The following FRMD8 variants were observed in gnomAD, a reference collection of about 807,000 sequenced individuals.
FRMD8 encodes the protein FERM domain containing 8, also known as FERM domain-containing protein 8.
A neutral mutation model predicts 54.2 loss-of-function variants in FRMD8; 37 were observed. That is an observed-to-expected ratio of 0.68 (90% confidence interval 0.53 to 0.90). The LOEUF (loss-of-function observed/expected upper bound fraction) is 0.90. Ranked by LOEUF, FRMD8 falls within the 40% of genes least tolerant of loss-of-function variation. The pLI, the probability that FRMD8 is intolerant of heterozygous loss-of-function variation, is 0.00. For missense variants in FRMD8, 585 were observed against 653.7 expected, an observed-to-expected ratio of 0.89 and a Z score of 1.15; for synonymous variants, 246 against 286.9, an observed-to-expected ratio of 0.86 and a Z score of 1.44.
intron 9 of FRMD8, among the ~76,000 whole-genome samples, chr11:65,401,899 A>C (rs1282484715): frequency 2.0e-5 from 3 of 149,974 alleles, no homozygotes; most frequent in Non-Finnish European, 4.4e-5. Flanking sequence ...CTAACCCAAG[A>C]CCACAAAGAT....
chr11:65,393,650 GC>G lies in FRMD8; in HGVS notation c.335del (p.Pro112GlnfsTer82). The G allele has an allele frequency of 6.2e-7, 1 of 1,607,494 alleles. No individual in the cohort carries two copies. On this transcript the variant is annotated frameshift_variant, in exon 4 of 11. Transcript: ENST00000317568. LOFTEE classifies it high-confidence loss of function. ...GGAGCTGCTGCTGCGCTTCACCAGT[GC>G]CCCAGACGATGACGTGGCCATGGGT... The part of the protein sequence containing the change: ...WPELLLRFTS[A>X]PDDDVAMDEP...
Position 65,389,364 on chromosome 11 carries a change from C to T in FRMD8, c.89C>T (p.Ala30Val). 6.2e-7 allele frequency: 1 copy of T among 1,610,076 alleles called. No individual in the cohort carries two copies. Among genetic ancestry groups the T allele is most frequent in the Non-Finnish European group, 8.5e-7 (1 of 1,179,976 alleles). The change falls in exon 3 of 11, where the codon GCT becomes GTT. Residue 30 changes from alanine to valine, a missense_variant. Coordinates refer to ENST00000317568, the MANE Select transcript of FRMD8 (RefSeq NM_031904.5). Reference sequence around the variant, plus strand: ...GCCTGCCTGGTCTCCATCACAGCGGCTGACGTGCTGGTATACCTAGCGGAT... The same window carrying T: ...GCCTGCCTGGTCTCCATCACAGCGGTTGACGTGCTGGTATACCTAGCGGAT... ...SSVSSVGARA[A>V]DVLVYLADDT...
At chr11:65,386,358 G>A (rs891397848), upstream of FRMD8, among the ~76,000 whole-genome samples, 1 of 152,196 alleles carries the variant, frequency 6.6e-6, no homozygotes, top group Non-Finnish European at 1.5e-5. Flanking sequence ...AAGACCCAGC[G>A]TGGGCAGGCC....
At chr11:65,405,113 C>G in intron 10 of FRMD8, 45 bp downstream of exon 10, 1 of 1,569,928 alleles carries the variant, frequency 6.4e-7, no homozygotes. Context: ...CACGCATGCG[C>G]GTGCACACAC....
In FRMD8 at chr11:65,413,225, G is replaced by C. The variant is rs1856375886; in HGVS notation, c.*1865G>C. The C allele has an allele frequency of 6.6e-6, 1 of 152,210 alleles. No individual in the cohort carries two copies. Among genetic ancestry groups the C allele is most frequent in the African/African-American group, 2.4e-5 (1 of 41,444 alleles). 9.4% of individuals were successfully genotyped at this position (152,210 alleles called of 1,614,324 possible). Reference sequence around the variant, plus strand: ...GCTGGTCGTGAACTCCTGACCTCATGATCTGCCCGCCTCAACCTCCCAAAG... The same window carrying C: ...GCTGGTCGTGAACTCCTGACCTCATCATCTGCCCGCCTCAACCTCCCAAAG... On this transcript the variant is annotated 3_prime_UTR_variant, in exon 11 of 11. Transcript: ENST00000317568.
intron 6 of FRMD8, among the ~76,000 whole-genome samples, chr11:65,396,404 G>C (rs1855955169): frequency 6.6e-6 from 1 of 152,194 alleles, no homozygotes; most frequent in Non-Finnish European, 1.5e-5. Flanking sequence ...CCCCAGGTGG[G>C]CCTCATAGGG....
rs199675557 is a variant in FRMD8, at chr11:65,389,403, C to T, written c.128C>T (p.Pro43Leu). ...TACCTAGCGGATGACACGGTGGTGC[C>T]CCTGGCTGTGGAGAACCTGCCCTCG... ...LVYLADDTVV[P>L]LAVENLPSLS... Residue 43 changes from proline (P) to leucine (L), a missense_variant, in exon 3 of 11, where the codon CCC becomes CTC. Coordinates refer to ENST00000317568, the MANE Select transcript of FRMD8 (RefSeq NM_031904.5). 2 of 1,610,796 alleles carry T rather than the reference C, an allele frequency of 1.2e-6. No individual in the cohort carries two copies. Among genetic ancestry groups the T allele is most frequent in the East Asian group, 2.2e-5 (1 of 44,882 alleles).
the FRMD8 span, chr11:65,376,829 C>A: frequency 3.7e-6 from 6 of 1,614,112 alleles, no homozygotes; most frequent in South Asian, 1.1e-5. Flanking sequence ...GGGATTCTGG[C>A]CTTCTGGTGT....
At chr11:65,405,529 A>C (rs1056506580) in intron 10 of FRMD8, among the ~76,000 whole-genome samples, 6 of 152,212 alleles carry the variant, frequency 3.9e-5, no homozygotes, top group African/African-American at 1.2e-4. Context: ...AGGCTGAGGC[A>C]GGAAAAACGC....
intron 1 of FRMD8, 67 bp downstream of exon 1, chr11:65,386,828 G>A: frequency 1.8e-6 from 1 of 566,630 alleles, no homozygotes; most frequent in Non-Finnish European, 3.1e-6. Context: ...GCCCTGCCTG[G>A]GCATCCAGGT....
intron 9 of FRMD8, among the ~76,000 whole-genome samples, chr11:65,403,617 T>C (rs1278091083): frequency 3.9e-5 from 6 of 152,198 alleles, no homozygotes; most frequent in Admixed American, 3.9e-4. Context: ...TGGATAGGTG[T>C]GCGCAGGCGT....
chr11:65,411,103 G>A, intron 10 of FRMD8, 139 bp from the exon 11 acceptor site: 2 of 627,498 alleles, frequency 3.2e-6, no homozygotes, highest in Admixed American at 6.2e-5. Flanking sequence ...GCGGGGCTGA[G>A]GCTCGGATGA....
chr11:65,386,956 C>T, intron 1 of FRMD8, 81 bp from the exon 2 acceptor site: 3 of 1,244,746 alleles, frequency 2.4e-6, no homozygotes, highest in Non-Finnish European at 3.4e-6. Context: ...GATCCCTTAC[C>T]GTACTCACCG....
rs1277559397 is a variant in FRMD8 at position 65,404,885 on chromosome 11, A to G, written c.1093A>G (p.Ile365Val). Residue 365 changes from isoleucine to valine, a missense_variant, in exon 10 of 11, where the codon ATT becomes GTT. Coordinates refer to ENST00000317568, the MANE Select transcript of FRMD8 (RefSeq NM_031904.5). This position sits in a 1 kb window ranked among gnomAD's most constrained non-coding sequence, Gnocchi z 4.7. ...CCAGGCCGAACTGATGAGCAGTCTC[A>G]TTGAGTACTGCATCGAACTGAGCCA... ...SKQAELMSSL[I>V]EYCIELSQAA... 1 of 1,613,022 alleles carries G rather than the reference A, an allele frequency of 6.2e-7. No individual in the cohort carries two copies. Among genetic ancestry groups the G allele is most frequent in the Non-Finnish European group, 8.5e-7 (1 of 1,179,974 alleles).
chr11:65,374,737 G>A, the FRMD8 span, among the ~76,000 whole-genome samples: 1 of 152,172 alleles, frequency 6.6e-6, no homozygotes. Context: ...GGAGGCCAAG[G>A]TGGGAGGGCT....
chr11:65,393,995 T>TACGCAGAGTGGGGATGCCC, intron 4 of FRMD8, 46 bp from the exon 5 acceptor site: 1 of 1,604,046 alleles, frequency 6.2e-7, no homozygotes, highest in Non-Finnish European at 8.5e-7. Context: ...AGGGGAGGGC[T>TACGCAGAGTGGGGATGCCC]AAGCAGAGTG....
Position 65,394,348 on chromosome 11 carries a change from C to T in FRMD8, c.504C>T (p.Cys168=), listed in dbSNP as rs138537245. Residue 168 remains cysteine, a synonymous_variant, in exon 6 of 11, where the codon TGC becomes TGT. Transcript: ENST00000317568. ...GGTACCCGTGCGACGTGGAGGACTG[C>T]GAGGCTCTGGGCGCCCTGGTGTGCC... is the stretch of plus-strand genomic sequence containing the variant. ...AARYPCDVED[C]EALGALVCRV... The T allele has an allele frequency of 4.5e-4, 713 of 1,581,632 alleles. No individual in the cohort carries two copies. The African/African-American group carries it at 7.7e-3, about 17-fold the overall frequency.
Position 65,387,042 on chromosome 11 carries a change from C to A in FRMD8, c.6C>A (p.Asp2Glu). 1 of 1,608,938 alleles carries A rather than the reference C, an allele frequency of 6.2e-7. No homozygotes were observed. The highest frequency in any genetic ancestry group is 8.5e-7 in the Non-Finnish European group (1 of 1,179,624). ...GTTTCTCTTTGCCTTTGCAGATGGA[C>A]GGGACAGAAGGCAGTGCCGGGCAGC... MDGTEGSAGQPG... is the reference protein window; with the variant it reads MEGTEGSAGQPG... The change falls in exon 2 of 11, where the codon GAC becomes GAA. Residue 2 changes from aspartate to glutamate, a missense_variant. By Grantham distance (45) the Asp-to-Glu change is conservative. Coordinates refer to ENST00000317568, the MANE Select transcript of FRMD8 (RefSeq NM_031904.5).
chr11:65,402,777 A>G (rs527729318), intron 9 of FRMD8, among the ~76,000 whole-genome samples: 7 of 151,124 alleles, frequency 4.6e-5, no homozygotes, highest in African/African-American at 1.5e-4. Flanking sequence ...AGTTTTCAGC[A>G]TACAAAACTT....
Sources: allele counts gnomAD v4.1 joint callset (sites outside exome capture counted in the v4.1 genomes callset), GRCh38; gene constraint gnomAD v4.1.1; non-coding constraint Gnocchi (gnomAD v3.1); transcripts MANE v1.5; gene names NCBI Gene and HGNC (gene_info 2026-07-23, HGNC 2026-07-21).